The following RARB variants were observed in gnomAD, a reference collection of about 807,000 sequenced individuals.
RARB encodes the protein retinoic acid receptor beta, also known as HBV-activated protein.
Under a neutral mutation model 51.9 loss-of-function variants are expected in RARB, and 17 were observed. The observed-to-expected ratio is 0.33, with a 90% CI of 0.22 to 0.49. RARB has a LOEUF of 0.49. Ranked by LOEUF, RARB falls within the 20% of genes least tolerant of loss-of-function variation. The probability of loss-of-function intolerance (pLI) is 0.99; values close to 1 mark genes in which losing one functional copy is unlikely to be tolerated. For missense variants in RARB, 369 were observed against 550.8 expected, an observed-to-expected ratio of 0.67 and a Z score of 3.30; for synonymous variants, 215 against 195.4, an observed-to-expected ratio of 1.10 and a Z score of -0.84.
intron 2 of RARB, among the ~76,000 whole-genome samples, chr3:25,027,599 G>A (rs189326180): frequency 2.1e-3 from 272 of 130,364 alleles, no homozygotes; most frequent in African/African-American, 7.6e-3. Flanking sequence ...ACTGCAGAAG[G>A]TACACTTTAT....
In RARB at chr3:25,597,748, C is replaced by CTT. The variant is rs1701931189; in HGVS notation, c.*1133_*1134dup. On this transcript the variant is annotated 3_prime_UTR_variant, in exon 8 of 8. Coordinates refer to ENST00000330688, the MANE Select transcript of RARB (RefSeq NM_000965.5). ...GGTTAACAGATACAAGTGTCAGTTT[C>CTT]TTAGTTCTCATTTAAGCACTAGTGG... is the stretch of plus-strand genomic sequence containing the variant. 6.6e-6 allele frequency: 1 copy of CTT among 151,836 alleles called. No homozygotes were observed. Among genetic ancestry groups the CTT allele is most frequent in the African/African-American group, 2.4e-5 (1 of 41,082 alleles). The allele number at this position is 151,836 out of a possible 1,614,324, so 9.4% of individuals were successfully genotyped here.
intron 2 of RARB, among the ~76,000 whole-genome samples, chr3:24,919,187 G>T (rs765395355): frequency 6.6e-6 from 1 of 152,170 alleles, no homozygotes; most frequent in African/African-American, 2.4e-5. Context: ...TGATAATAAT[G>T]ATCTAGAGGC....
At chr3:24,858,399 CT>C (rs1158443049) in intron 1 of RARB, among the ~76,000 whole-genome samples, 1 of 152,196 alleles carries the variant, frequency 6.6e-6, no homozygotes, top group South Asian at 2.1e-4. Context: ...AAGCCCACCC[CT>C]GAGCCCAGTT....
At chr3:24,953,585 G>A (rs558849509) in intron 2 of RARB, among the ~76,000 whole-genome samples, 2 of 152,320 alleles carry the variant, frequency 1.3e-5, no homozygotes, top group African/African-American at 4.8e-5. Context: ...GGTTATCGTT[G>A]CCATAGAGAT....
At chr3:25,140,253 A>T (rs1471925043) in intron 4 of RARB, among the ~76,000 whole-genome samples, 4 of 152,226 alleles carry the variant, frequency 2.6e-5, no homozygotes, top group African/African-American at 9.6e-5. Context: ...GAGTTAATTG[A>T]AAATCTTCTA....
chr3:25,352,552 C>G (rs1318944324), intron 5 of RARB, among the ~76,000 whole-genome samples: 1 of 152,166 alleles, frequency 6.6e-6, no homozygotes, highest in African/African-American at 2.4e-5. Flanking sequence ...GTAGTATTAA[C>G]CTGCCCCAAT....
chr3:24,953,802 A>G (rs1695950702), intron 2 of RARB, among the ~76,000 whole-genome samples: 1 of 152,116 alleles, frequency 6.6e-6, no homozygotes, highest in African/African-American at 2.4e-5. Context: ...TATCACATTT[A>G]TGGTGTGCCG....
chr3:25,433,145 G>T (rs1483477021), intron 1 of RARB, among the ~76,000 whole-genome samples: 1 of 152,186 alleles, frequency 6.6e-6, no homozygotes, highest in Non-Finnish European at 1.5e-5. Flanking sequence ...AGATATTAAT[G>T]TAGATAGAAT....
At chr3:25,371,424 G>A (rs961451554) in intron 5 of RARB, among the ~76,000 whole-genome samples, 3 of 152,188 alleles carry the variant, frequency 2.0e-5, no homozygotes, top group Non-Finnish European at 4.4e-5. Flanking sequence ...AGATGGTGCT[G>A]GCAGGTCAAG....
intron 5 of RARB, among the ~76,000 whole-genome samples, chr3:25,411,129 G>A (rs186867320): frequency 6.6e-6 from 1 of 151,926 alleles, no homozygotes; most frequent in African/African-American, 2.4e-5. Flanking sequence ...TTTTAAATCA[G>A]CATAACATCT....
intron 2 of RARB, among the ~76,000 whole-genome samples, chr3:25,025,946 A>T (rs999943675): frequency 6.6e-6 from 1 of 152,212 alleles, no homozygotes; most frequent in Non-Finnish European, 1.5e-5. Context: ...AAATGCTCAA[A>T]TATCAATAAT....
intron 2 of RARB, among the ~76,000 whole-genome samples, chr3:25,050,747 C>T (rs1437692980): frequency 1.3e-5 from 2 of 152,124 alleles, no homozygotes; most frequent in Non-Finnish European, 2.9e-5. Context: ...GCTCATTCTT[C>T]CTCCCCCATT....
intron 2 of RARB, among the ~76,000 whole-genome samples, chr3:24,968,039 C>A (rs1696315708): frequency 6.6e-6 from 1 of 152,052 alleles, no homozygotes; most frequent in East Asian, 1.9e-4. Context: ...GCTTTGGTGT[C>A]TTTTTTGTTT....
At chr3:25,465,968 A>G (rs1290003145) in intron 2 of RARB, among the ~76,000 whole-genome samples, 1 of 152,200 alleles carries the variant, frequency 6.6e-6, no homozygotes, top group East Asian at 1.9e-4. Context: ...TGTGAAGTCT[A>G]GAGTGAGAAT....
At chr3:25,285,684 C>T (rs751795627) in intron 5 of RARB, among the ~76,000 whole-genome samples, 14 of 152,136 alleles carry the variant, frequency 9.2e-5, no homozygotes, top group Non-Finnish European at 1.2e-4. Flanking sequence ...GACTGGGTAA[C>T]GAATTGGAGG....
At chr3:25,153,281 T>G (rs1700321707) in intron 4 of RARB, among the ~76,000 whole-genome samples, 1 of 152,172 alleles carries the variant, frequency 6.6e-6, no homozygotes, top group Non-Finnish European at 1.5e-5. Flanking sequence ...AAGTGTTGTT[T>G]TGTGCACGTC....
chr3:24,910,968 T>C (rs1008898268), intron 2 of RARB, among the ~76,000 whole-genome samples: 16 of 152,224 alleles, frequency 1.1e-4, no homozygotes, highest in African/African-American at 3.9e-4. Flanking sequence ...ATAAGTTCTT[T>C]AACAGCTCAA....
At chr3:25,085,875 T>C (rs2125314817) in intron 3 of RARB, among the ~76,000 whole-genome samples, 1 of 152,320 alleles carries the variant, frequency 6.6e-6, no homozygotes, top group East Asian at 1.9e-4. Context: ...GCTAAGCTGC[T>C]GTAACAAATA....
intron 3 of RARB, among the ~76,000 whole-genome samples, chr3:25,062,327 C>T (rs1698566786): frequency 6.6e-6 from 1 of 151,788 alleles, no homozygotes. Context: ...CAATAATATC[C>T]AGCAATGGCA....
Sources: gnomAD v4.1 joint callset for allele counts (sites outside exome capture counted in the v4.1 genomes callset) on GRCh38, gnomAD v4.1.1 for gene constraint, MANE v1.5 for transcripts, NCBI Gene and HGNC (gene_info 2026-07-23, HGNC 2026-07-21) for gene names.